Variants in ZNF83 observed in about 807,000 individuals in gnomAD.
The protein encoded by ZNF83 is zinc finger protein 816B.
For synonymous variants in ZNF83, 209 were observed against 213.0 expected (o/e 0.98, Z 0.17); for missense variants, 552 against 629.9 (o/e 0.88, Z 1.32).
chr19:52,665,178 G>C (rs2061633179), intron 1 of ZNF83, among the ~76,000 whole-genome samples: 1 of 152,074 alleles, frequency 6.6e-6, no homozygotes. Flanking sequence ...CAGCTCCAGA[G>C]ACTTTCCTAG....
chr19:52,618,598 T>C (rs67710655), intron 2 of ZNF83: 103,028 of 265,354 alleles, frequency 0.39, 20,704 homozygotes, highest in Middle Eastern at 0.46. Flanking sequence ...CGTTTCGCCA[T>C]GTTGGTGAGG....
At chr19:52,643,763 G>A (rs1568559656) in intron 3 of ZNF83, among the ~76,000 whole-genome samples, 1 of 145,156 alleles carries the variant, frequency 6.9e-6, no homozygotes, top group Admixed American at 6.8e-5. Flanking sequence ...GGAATCTTCA[G>A]ATGGGGGTGG....
chr19:52,614,883 A>G (rs1344304203), intron 2 of ZNF83, 86 bp from the exon 3 acceptor site: 7 of 1,130,754 alleles, frequency 6.2e-6, no homozygotes, highest in African/African-American at 4.8e-5. Flanking sequence ...TAGTACACTA[A>G]GAGTAATACT....
intron 2 of ZNF83, among the ~76,000 whole-genome samples, chr19:52,623,451 C>T (rs1025318354): frequency 6.6e-6 from 1 of 152,136 alleles, no homozygotes; most frequent in African/African-American, 2.4e-5. Context: ...CCAACTTGAA[C>T]AATATTCTTT....
At chr19:52,620,179 A>G (rs920787736) in intron 2 of ZNF83, among the ~76,000 whole-genome samples, 1 of 152,098 alleles carries the variant, frequency 6.6e-6, no homozygotes, top group Non-Finnish European at 1.5e-5. Context: ...TTTTCCCCAG[A>G]TTTTCAAAAT....
intron 1 of ZNF83, among the ~76,000 whole-genome samples, chr19:52,666,269 GAA>G (rs907734326): frequency 1.3e-5 from 2 of 151,778 alleles, no homozygotes; most frequent in African/African-American, 4.8e-5. Flanking sequence ...CAGAGAGTCA[GAA>G]AAGAGAGAGA....
intron 2 of ZNF83, among the ~76,000 whole-genome samples, chr19:52,630,632 A>G (rs658086): frequency 0.45 from 68,045 of 151,506 alleles, 16,031 homozygotes; most frequent in East Asian, 0.58. Context: ...CTTCCTTCGC[A>G]TCCTCCTCTC....
At chr19:52,624,243 C>T (rs1047350265) in intron 2 of ZNF83, among the ~76,000 whole-genome samples, 2 of 152,160 alleles carry the variant, frequency 1.3e-5, no homozygotes, top group Non-Finnish European at 2.9e-5. Flanking sequence ...AGGATATCCT[C>T]CTACTCCTTC....
At chr19:52,654,002 A>C in intron 3 of ZNF83, 1 of 1,519,164 alleles carries the variant, frequency 6.6e-7, no homozygotes, top group Non-Finnish European at 9.1e-7. Context: ...TTGAGCCTAC[A>C]AGAAATTCTT....
At chr19:52,669,011 C>A (rs1357814614) in intron 1 of ZNF83, among the ~76,000 whole-genome samples, 1 of 152,130 alleles carries the variant, frequency 6.6e-6, no homozygotes, top group Admixed American at 6.6e-5. Flanking sequence ...CTTAACATTC[C>A]TTGGAGACCT....
intron 1 of ZNF83, among the ~76,000 whole-genome samples, chr19:52,662,059 GCA>G (rs1438526600): frequency 1.3e-5 from 2 of 152,178 alleles, no homozygotes; most frequent in African/African-American, 4.8e-5. Flanking sequence ...GGTCCTGGGA[GCA>G]CAGATCCATA....
chr19:52,650,252 CTTTT>C (rs2061425597), intron 3 of ZNF83, among the ~76,000 whole-genome samples: 1 of 99,190 alleles, frequency 1.0e-5, no homozygotes, highest in Non-Finnish European at 1.9e-5. Context: ...GAGCTTGTTA[CTTTT>C]CTTTCTTTTT....
intron 2 of ZNF83, among the ~76,000 whole-genome samples, chr19:52,620,991 C>A (rs910796581): frequency 1.3e-5 from 2 of 152,228 alleles, no homozygotes; most frequent in Non-Finnish European, 2.9e-5. Context: ...AACTGCCACT[C>A]CCCTATCTCC....
At chr19:52,623,713 A>G (rs528136521) in intron 2 of ZNF83, among the ~76,000 whole-genome samples, 6 of 152,028 alleles carry the variant, frequency 3.9e-5, no homozygotes, top group African/African-American at 1.4e-4. Flanking sequence ...TACCCTGCTC[A>G]ACACCAGTAT....
intron 2 of ZNF83, among the ~76,000 whole-genome samples, chr19:52,629,826 CATTAAATAAAACTCCAA>C: frequency 6.6e-6 from 1 of 152,356 alleles, no homozygotes; most frequent in East Asian, 1.9e-4. Context: ...CTGCTCCCGA[CATTAAATAAAACTCCAA>C]AAATTAAATT....
At chr19:52,650,832 C>T (rs1258363874) in intron 3 of ZNF83, 1 of 152,174 alleles carries the variant, frequency 6.6e-6, no homozygotes. Flanking sequence ...AAGGATTCTT[C>T]ACTTCATTAA....
intron 1 of ZNF83, among the ~76,000 whole-genome samples, chr19:52,661,216 G>A (rs1157689813): frequency 1.3e-5 from 2 of 152,086 alleles, no homozygotes; most frequent in African/African-American, 2.4e-5. Context: ...AACATACACA[G>A]GGGAGACCTT....
chr19:52,630,248 C>T, intron 2 of ZNF83, among the ~76,000 whole-genome samples: 1 of 152,228 alleles, frequency 6.6e-6, no homozygotes, highest in East Asian at 1.9e-4. Context: ...TGGCTGAAGA[C>T]TGACACTGCC....
chr19:52,613,877 C>T lies in ZNF83; in HGVS notation c.688G>A (p.Glu230Lys). The stretch of plus-strand genomic sequence containing the variant: ...CATTTGTTACATTCGTAAGGTTTTT[C>T]TCCAGTATGAATTGTCCGATGTTGT... The change falls in exon 3 of 3, where the codon GAA becomes AAA. Residue 230 changes from glutamate to lysine, a missense_variant. Glu to Lys is a moderately conservative substitution (Grantham distance 56, BLOSUM62 1). Coordinates refer to ENST00000301096, the Ensembl canonical transcript of ZNF83. 6.2e-7 allele frequency: 1 copy of T among 1,614,176 alleles called. No individual in the cohort carries two copies. Among genetic ancestry groups the T allele is most frequent in the Non-Finnish European group, 8.5e-7 (1 of 1,180,020 alleles).
Sources: allele counts gnomAD v4.1 joint callset (sites outside exome capture counted in the v4.1 genomes callset), GRCh38; gene constraint gnomAD v4.1.1; transcripts MANE v1.5; gene names NCBI Gene and HGNC (gene_info 2026-07-23, HGNC 2026-07-21).